The following ATXN3 variants were observed in gnomAD, a reference collection of about 807,000 sequenced individuals.
ATXN3 encodes the protein ataxin-3.
A neutral mutation model predicts 58.2 loss-of-function variants in ATXN3; 28 were observed. That is an observed-to-expected ratio of 0.48 (90% CI 0.36 to 0.66). ATXN3 has a LOEUF of 0.66. Ranked by LOEUF, ATXN3 falls within the 30% of genes least tolerant of loss-of-function variation. The probability of loss-of-function intolerance (pLI) is 0.00; values close to 1 mark genes in which losing one functional copy is unlikely to be tolerated. For synonymous variants in ATXN3, 113 were observed against 138.5 expected, an observed-to-expected ratio of 0.82 and a Z score of 1.29; for missense variants, 321 against 422.1, an observed-to-expected ratio of 0.76 and a Z score of 2.10.
intron 9 of ATXN3, among the ~76,000 whole-genome samples, chr14:92,079,790 T>A (rs1038219086): frequency 6.6e-5 from 10 of 152,172 alleles, no homozygotes; most frequent in African/African-American, 2.4e-4. Context: ...CAGGCTGGAG[T>A]GCAATGGCGT....
At chr14:92,050,773 C>G (rs1249623828), upstream of ATXN3, 1 of 152,540 alleles carries the variant, frequency 6.6e-6, no homozygotes, top group Non-Finnish European at 1.5e-5. Flanking sequence ...GCCTCAGCCT[C>G]CTGAGTAGCT....
intron 8 of ATXN3, among the ~76,000 whole-genome samples, chr14:92,082,078 A>G (rs1359025894): frequency 6.6e-6 from 1 of 152,262 alleles, no homozygotes; most frequent in African/African-American, 2.4e-5. Flanking sequence ...TTGAAACCAA[A>G]TAAAATAACC....
chr14:92,083,389 T>C (rs1433798657), intron 6 of ATXN3, 131 bp from the exon 7 acceptor site: 5 of 914,226 alleles, frequency 5.5e-6, no homozygotes, highest in Non-Finnish European at 8.2e-6. Flanking sequence ...AGAAAGACTT[T>C]AGTCCAAATA....
intron 5 of ATXN3, among the ~76,000 whole-genome samples, chr14:92,091,862 C>T (rs1118322): frequency 0.28 from 42,126 of 150,312 alleles, 6,232 homozygotes; most frequent in East Asian, 0.44. Flanking sequence ...ATTTTTTTTT[C>T]TTTCATTTTT....
At chr14:92,082,246 T>G in intron 8 of ATXN3, 54 bp downstream of exon 8, 1 of 1,532,484 alleles carries the variant, frequency 6.5e-7, no homozygotes, top group South Asian at 1.2e-5. Context: ...AATCTAAGAA[T>G]AATTGGAATC....
At chr14:92,082,495 G>A in intron 7 of ATXN3, 29 bp from the exon 8 acceptor site, 2 of 1,573,662 alleles carry the variant, frequency 1.3e-6, no homozygotes, top group Non-Finnish European at 1.7e-6. Flanking sequence ...GGTAATAACT[G>A]CAACCAATCT....
At chr14:92,048,530 G>A (rs1259675247) in intron 1 of ATXN3, among the ~76,000 whole-genome samples, 2 of 152,222 alleles carry the variant, frequency 1.3e-5, no homozygotes, top group African/African-American at 4.8e-5. Flanking sequence ...GCCATGAACT[G>A]GGTTGAGTTT....
At chr14:92,072,157 T>C (rs1274383624) in intron 9 of ATXN3, among the ~76,000 whole-genome samples, 1 of 152,204 alleles carries the variant, frequency 6.6e-6, no homozygotes, top group Non-Finnish European at 1.5e-5. Context: ...GTAATACAAA[T>C]CCCCATTTTA....
At chr14:92,053,974 C>T (rs536560441), downstream of ATXN3, among the ~76,000 whole-genome samples, 69 of 151,340 alleles carry the variant, frequency 4.6e-4, no homozygotes, top group Non-Finnish European at 8.6e-4. Flanking sequence ...CTTGCTCTGT[C>T]ATCCAGGCTG....
In ATXN3 at chr14:92,064,210, A is replaced by G; in HGVS notation, c.*110T>C. Reference sequence around the variant, plus strand: ...CCCATCATTTTGTTTGCAAACCGCTAAAAGTCTTATTTCCTCATCTCTTTG... The same window carrying G: ...CCCATCATTTTGTTTGCAAACCGCTGAAAGTCTTATTTCCTCATCTCTTTG... On this transcript the variant is annotated 3_prime_UTR_variant, in exon 11 of 11. Coordinates refer to ENST00000644486, the MANE Select transcript of ATXN3 (RefSeq NM_004993.6). 1 of 686,802 alleles carries G rather than the reference A, an allele frequency of 1.5e-6. No individual in the cohort carries two copies. Among genetic ancestry groups the G allele is most frequent in the Non-Finnish European group, 2.3e-6 (1 of 426,226 alleles). 42.5% of individuals were successfully genotyped at this position (686,802 alleles called of 1,614,324 possible).
At position 92,077,803 on chromosome 14, in the gene ATXN3, C is replaced by A. The variant is rs533283411; in HGVS notation, c.872+3162G>T. On this transcript the variant is annotated intron_variant, in intron 9 of 10. Coordinates refer to ENST00000644486, the MANE Select transcript of ATXN3 (RefSeq NM_004993.6). ...GTGATTACAGGTGTGCACCACCATG[C>A]CCAACTAATTTTTTTGTATTTTTAG... Among the ~76,000 whole-genome samples, 13 of 151,978 alleles carry A rather than the reference C, an allele frequency of 8.6e-5. No homozygotes were observed. The South Asian group carries it at 2.3e-3, about 27-fold the overall frequency.
chr14:92,064,757 T>C (rs1473680971), intron 10 of ATXN3, among the ~76,000 whole-genome samples: 1 of 152,232 alleles, frequency 6.6e-6, no homozygotes, highest in Non-Finnish European at 1.5e-5. Flanking sequence ...GCCTTTTGAA[T>C]ATGGCTTCTT....
At chr14:92,071,790 T>G (rs1293916204) in intron 9 of ATXN3, among the ~76,000 whole-genome samples, 2 of 152,180 alleles carry the variant, frequency 1.3e-5, no homozygotes, top group African/African-American at 4.8e-5. Flanking sequence ...TTCTTTTCAC[T>G]CAGGTCTGAG....
chr14:92,098,404 A>G (rs2065919982), intron 1 of ATXN3, among the ~76,000 whole-genome samples: 1 of 152,148 alleles, frequency 6.6e-6, no homozygotes, highest in Non-Finnish European at 1.5e-5. Flanking sequence ...CCTGACCAAT[A>G]CGGTGAAACC....
At chr14:92,076,026 G>A (rs924714175) in intron 9 of ATXN3, among the ~76,000 whole-genome samples, 3 of 152,106 alleles carry the variant, frequency 2.0e-5, no homozygotes, top group African/African-American at 4.8e-5. Context: ...ATCGATATTC[G>A]AACATTTTTA....
intron 5 of ATXN3, chr14:92,090,577 CAGAA>C (rs1415073548): frequency 1.3e-5 from 2 of 152,006 alleles, no homozygotes; most frequent in African/African-American, 4.8e-5. Flanking sequence ...CCTCGAGAGA[CAGAA>C]AGAGTCTATA....
At chr14:92,092,913 G>C (rs751499818) in intron 5 of ATXN3, among the ~76,000 whole-genome samples, 1 of 149,634 alleles carries the variant, frequency 6.7e-6, no homozygotes, top group Non-Finnish European at 1.5e-5. Flanking sequence ...CCCAGGCTGG[G>C]GTACAGTGAC....
At chr14:92,064,744 G>A (rs1376848243) in intron 10 of ATXN3, among the ~76,000 whole-genome samples, 1 of 152,150 alleles carries the variant, frequency 6.6e-6, no homozygotes, top group Non-Finnish European at 1.5e-5. Flanking sequence ...CAGTAGGTAT[G>A]TAGCCTTTTG....
Position 92,061,734 on chromosome 14 carries a change from TG to T in ATXN3, c.*2585del, listed in dbSNP as rs2057791683. Reference sequence around the variant, plus strand: ...GTACCTGATGTATAAACTATAGCTTTGAATAATTTTTAACTTTTTTGATACT... The same window carrying T: ...GTACCTGATGTATAAACTATAGCTTTAATAATTTTTAACTTTTTTGATACT... On this transcript the variant is annotated 3_prime_UTR_variant, in exon 11 of 11. Coordinates refer to ENST00000644486, the MANE Select transcript of ATXN3 (RefSeq NM_004993.6). 6.6e-6 allele frequency: 1 copy of T among 152,222 alleles called. No homozygotes were observed. Among genetic ancestry groups the T allele is most frequent in the Non-Finnish European group, 1.5e-5 (1 of 68,048 alleles). 9.4% of individuals were successfully genotyped at this position (152,222 alleles called of 1,614,324 possible).
Sources: gnomAD v4.1 joint callset for allele counts (sites outside exome capture counted in the v4.1 genomes callset) on GRCh38, gnomAD v4.1.1 for gene constraint, MANE v1.5 for transcripts, NCBI Gene and HGNC (gene_info 2026-07-23, HGNC 2026-07-21) for gene names.